The following CIITA variants were observed in gnomAD, a reference collection of about 807,000 sequenced individuals.
The protein encoded by CIITA is class II major histocompatibility complex transactivator, also known as MHC class II transactivator.
CIITA carries 72 observed loss-of-function variants against 115.1 expected under a neutral mutation model. The ratio of observed to expected loss-of-function variants is 0.63; its 90% confidence interval spans 0.52 to 0.76. The LOEUF is 0.76. Ranked by LOEUF, CIITA falls within the 30% of genes least tolerant of loss-of-function variation. CIITA has a pLI of 0.00. For missense variants in CIITA, 1,617 were observed against 1,463.8 expected, an observed-to-expected ratio of 1.10 and a Z score of -1.71; for synonymous variants, 763 against 635.6, an observed-to-expected ratio of 1.20 and a Z score of -3.02.
In CIITA at chr16:10,931,942, A is replaced by G. The variant is rs1230879624; in HGVS notation, c.*8087A>G. 6.6e-6 allele frequency: 1 copy of G among 152,242 alleles called. No individual in the cohort carries two copies. Among genetic ancestry groups the G allele is most frequent in the Non-Finnish European group, 1.5e-5 (1 of 68,050 alleles). The allele number at this position is 152,242 out of a possible 1,614,324, so 9.4% of individuals were successfully genotyped here. A position where few individuals can be genotyped will look rare whatever the true frequency, so the allele number is the denominator to read the frequency against. ...AAAACATTTTACTTTAAAAGGAGCC[A>G]ATTTAAAGAAAACTGTTAATAGTTC... On this transcript the variant is annotated 3_prime_UTR_variant, in exon 20 of 20. Coordinates refer to ENST00000324288, the MANE Select transcript of CIITA (RefSeq NM_000246.4).
rs1246834253 is a variant in CIITA at position 10,927,360 on chromosome 16, C to T, written c.*3505C>T. 3.9e-5 allele frequency: 6 copies of T among 152,224 alleles called. No individual in the cohort carries two copies. Among genetic ancestry groups the T allele is most frequent in the Non-Finnish European group, 5.9e-5 (4 of 68,054 alleles). 9.4% of individuals were successfully genotyped at this position (152,224 alleles called of 1,614,324 possible). A position where few individuals can be genotyped will look rare whatever the true frequency, so the allele number is the denominator to read the frequency against. The stretch of plus-strand genomic sequence containing the variant: ...AGCTCCAGGAGGGCGGGAAACATCT[C>T]GCTTTGTACACTGCTGTGCCCTCTG... On this transcript the variant is annotated 3_prime_UTR_variant, in exon 20 of 20. Transcript: ENST00000324288.
intron 13 of CIITA, among the ~76,000 whole-genome samples, chr16:10,911,383 T>G (rs1379585751): frequency 1.1e-5 from 1 of 91,980 alleles, no homozygotes; most frequent in African/African-American, 3.8e-5. Flanking sequence ...TCTTTCTTTC[T>G]CTCTCTCTCT....
chr16:10,881,298 G>GA (rs140684571), intron 1 of CIITA, among the ~76,000 whole-genome samples: 93 of 147,080 alleles, frequency 6.3e-4, no homozygotes, highest in African/African-American at 1.6e-3. Context: ...ACTGTCTCAG[G>GA]AAAAAAAAAA....
chr16:10,895,268 G>T lies in CIITA; in HGVS notation c.53-14G>T. The stretch of plus-strand genomic sequence containing the variant: ...ACACCCTGTGAGGTGACTGAGCATT[G>T]TCTTCCCTCCCAGGCAGCTCACAGT... On this transcript the variant is annotated splice_polypyrimidine_tract_variant and intron_variant, in intron 1 of 19. Transcript: ENST00000324288. 1 of 1,613,564 alleles carries T rather than the reference G, an allele frequency of 6.2e-7. No homozygotes were observed. The highest frequency in any genetic ancestry group is 8.5e-7 in the Non-Finnish European group (1 of 1,180,012).
At chr16:10,895,515 T>A in intron 2 of CIITA, 87 bp downstream of exon 2, 2 of 1,591,892 alleles carry the variant, frequency 1.3e-6, no homozygotes, top group South Asian at 1.1e-5. Flanking sequence ...TTCTGGTCCC[T>A]GCCCTCCCGT....
rs771736193 is a variant in CIITA, at chr16:10,922,293, G to A, written c.3233+43G>A. On this transcript the variant is annotated intron_variant, in intron 17 of 19. Coordinates refer to ENST00000324288, the MANE Select transcript of CIITA (RefSeq NM_000246.4). ...GGCGGTGGGTGGCTCAGCCCGGGGT[G>A]GGAGACACTGAAGTCTCTCCCTGGT... is the stretch of plus-strand genomic sequence containing the variant. The A allele has an allele frequency of 1.3e-5, 21 of 1,607,132 alleles. No homozygotes were observed. In the South Asian group the frequency reaches 2.3e-4, roughly 18 times the overall value.
intron 12 of CIITA, 62 bp downstream of exon 12, chr16:10,909,249 A>G: frequency 6.4e-7 from 1 of 1,568,208 alleles, no homozygotes; most frequent in Non-Finnish European, 8.8e-7. Context: ...TGTAGGACCC[A>G]TTCTCAAGTT....
intron 16 of CIITA, among the ~76,000 whole-genome samples, chr16:10,921,629 A>G (rs1444648190): frequency 6.6e-6 from 1 of 152,250 alleles, no homozygotes; most frequent in Non-Finnish European, 1.5e-5. Flanking sequence ...CCAAGGTCAC[A>G]TAGGCAGTAA....
At chr16:10,885,727 C>T (rs1351311044) in intron 1 of CIITA, among the ~76,000 whole-genome samples, 1 of 152,158 alleles carries the variant, frequency 6.6e-6, no homozygotes, top group African/African-American at 2.4e-5. Context: ...AAGCCATCAC[C>T]AGACAGCCTG....
At position 10,932,020 on chromosome 16, in the gene CIITA, G is replaced by A. The variant is rs554935597; in HGVS notation, c.*8165G>A. The A allele has an allele frequency of 1.1e-4, 17 of 152,248 alleles. No individual in the cohort carries two copies. Among genetic ancestry groups the A allele is most frequent in the Non-Finnish European group, 1.9e-4 (13 of 68,048 alleles). The allele number at this position is 152,248 out of a possible 1,614,324, so 9.4% of individuals were successfully genotyped here. A position where few individuals can be genotyped will look rare whatever the true frequency, so the allele number is the denominator to read the frequency against. Reference sequence around the variant, plus strand: ...GCTGACAGTGTTGTATGAGGTTTGAGGATTTTGATCCAAGCTGGTCCCACT... The same window carrying A: ...GCTGACAGTGTTGTATGAGGTTTGAAGATTTTGATCCAAGCTGGTCCCACT... On this transcript the variant is annotated 3_prime_UTR_variant, in exon 20 of 20. Coordinates refer to ENST00000324288, the MANE Select transcript of CIITA (RefSeq NM_000246.4).
chr16:10,899,003 G>A lies in CIITA; in HGVS notation c.436+1G>A, dbSNP rs373613022. 37 of 1,614,052 alleles carry A rather than the reference G, an allele frequency of 2.3e-5. No individual in the cohort carries two copies. The highest frequency in any genetic ancestry group is 2.8e-5 in the Non-Finnish European group (33 of 1,179,958). On this transcript the variant is annotated splice_donor_variant, in intron 5 of 19. Coordinates refer to ENST00000324288, the MANE Select transcript of CIITA (RefSeq NM_000246.4). LOFTEE classifies it high-confidence loss of function. The stretch of plus-strand genomic sequence containing the variant: ...GTTGGGCAGAAAAGTCAGAAAAGAC[G>A]TGAGTGAGCCCCTCCCTGATCCAAC...
intron 1 of CIITA, among the ~76,000 whole-genome samples, chr16:10,884,638 C>T (rs1237299096): frequency 3.9e-5 from 6 of 152,138 alleles, no homozygotes; most frequent in Admixed American, 3.3e-4. Context: ...CCAGGCTGGT[C>T]TCAAACTCCT....
chr16:10,911,680 C>G (rs933078269), intron 13 of CIITA, among the ~76,000 whole-genome samples: 20 of 151,972 alleles, frequency 1.3e-4, no homozygotes, highest in African/African-American at 3.9e-4. Context: ...CTCAGCCTCC[C>G]TAGTAGCTGG....
rs2228239 is a variant in CIITA, at chr16:10,907,034, G to T, written c.1542G>T (p.Thr514=). The change falls in exon 11 of 20, where the codon ACG becomes ACT. Residue 514 remains threonine, a synonymous_variant. Coordinates refer to ENST00000324288, the MANE Select transcript of CIITA (RefSeq NM_000246.4). This position sits in a 1 kb window ranked among gnomAD's most constrained non-coding sequence, Gnocchi z 5.0. ...LEAQDGFLHS[T]CGPAPAEPCS... ...CGCAAGATGGCTTCCTGCACAGCACGTGCGGACCGGCACCGGCGGAGCCCT... is the reference window on the plus strand; with the variant it reads ...CGCAAGATGGCTTCCTGCACAGCACTTGCGGACCGGCACCGGCGGAGCCCT... 6.2e-7 allele frequency: 1 copy of T among 1,607,826 alleles called. No homozygotes were observed. Among genetic ancestry groups the T allele is most frequent in the Non-Finnish European group, 8.5e-7 (1 of 1,179,924 alleles).
chr16:10,882,125 A>G (rs1378830952), intron 1 of CIITA, among the ~76,000 whole-genome samples: 1 of 152,236 alleles, frequency 6.6e-6, no homozygotes, highest in African/African-American at 2.4e-5. Flanking sequence ...TGCTAGGTAC[A>G]TGGGTGGACA....
chr16:10,908,999 G>A lies in CIITA; in HGVS notation c.2658-30G>A, dbSNP rs183154535. 992 of 1,613,876 alleles carry A rather than the reference G, an allele frequency of 6.1e-4. 6 individuals carry two copies. Among genetic ancestry groups the A allele is most frequent in the Non-Finnish European group, 1.0e-4 (121 of 1,179,918 alleles). ...TCCATTAAGGTCTAGCCTGGTCACC[G>A]TGCCTGGGTCTGAGGCCCTCCCTCC... On this transcript the variant is annotated intron_variant, in intron 11 of 19. Transcript: ENST00000324288.
intron 1 of CIITA, among the ~76,000 whole-genome samples, chr16:10,890,635 G>A (rs1228583522): frequency 1.3e-5 from 2 of 152,154 alleles, no homozygotes; most frequent in Admixed American, 6.5e-5. Context: ...GTCCCCTTAT[G>A]CAAAAGAACA....
chr16:10,910,048 TAAGAGGG>T lies in CIITA; in HGVS notation c.2817-139_2817-133del. The T allele has an allele frequency of 9.9e-6, 7 of 705,310 alleles. No homozygotes were observed. The Admixed American group carries it at 1.6e-4, about 16-fold the overall frequency. 43.7% of individuals were successfully genotyped at this position (705,310 alleles called of 1,614,324 possible). A position where few individuals can be genotyped will look rare whatever the true frequency, so the allele number is the denominator to read the frequency against. Reference sequence around the variant, plus strand: ...CCGCACCCAGACAGATCTTTTTTTTTAAGAGGGGGACAACAGTTGCCCCAAGGAAAGC... The same window carrying T: ...CCGCACCCAGACAGATCTTTTTTTTTGGACAACAGTTGCCCCAAGGAAAGC... On this transcript the variant is annotated intron_variant, in intron 12 of 19. Coordinates refer to ENST00000324288, the MANE Select transcript of CIITA (RefSeq NM_000246.4).
intron 3 of CIITA, among the ~76,000 whole-genome samples, chr16:10,898,385 G>C (rs187576161): frequency 6.6e-6 from 1 of 151,934 alleles, no homozygotes. Context: ...GGAAAGTAGA[G>C]GTGGAATTTG....
Sources: gnomAD v4.1 joint callset for allele counts (sites outside exome capture counted in the v4.1 genomes callset) on GRCh38, gnomAD v4.1.1 for gene constraint, Gnocchi (gnomAD v3.1) non-coding constraint, MANE v1.5 for transcripts, NCBI Gene and HGNC (gene_info 2026-07-23, HGNC 2026-07-21) for gene names.